LSAMP: variants seen among roughly 807,000 people sequenced by gnomAD.
LSAMP encodes limbic system associated membrane protein.
A neutral mutation model predicts 38.6 loss-of-function variants in LSAMP; 7 were observed. The ratio of observed to expected loss-of-function variants is 0.18; its 90% CI spans 0.10 to 0.34. The LOEUF is 0.34. Ranked by LOEUF, LSAMP falls within the 10% of genes least tolerant of loss-of-function variation. The pLI, the probability that LSAMP is intolerant of heterozygous loss-of-function variation, is 1.00. For synonymous variants in LSAMP, 154 were observed against 166.8 expected, an observed-to-expected ratio of 0.92 and a Z score of 0.59; for missense variants, 313 against 420.0, an observed-to-expected ratio of 0.75 and a Z score of 2.23.
chr3:116,293,988 T>G (rs1391272100), intron 1 of LSAMP, among the ~76,000 whole-genome samples: 1 of 152,182 alleles, frequency 6.6e-6, no homozygotes, highest in Non-Finnish European at 1.5e-5. Context: ...GTCCTCAGTA[T>G]GTATTAGTCA....
chr3:116,337,406 T>C (rs907955140), intron 1 of LSAMP, among the ~76,000 whole-genome samples: 1 of 152,120 alleles, frequency 6.6e-6, no homozygotes, highest in East Asian at 1.9e-4. Context: ...ATTAGAATGT[T>C]ACACAGCCTC....
At chr3:116,257,736 T>C (rs1358370372) in intron 1 of LSAMP, among the ~76,000 whole-genome samples, 1 of 152,190 alleles carries the variant, frequency 6.6e-6, no homozygotes, top group Non-Finnish European at 1.5e-5. Flanking sequence ...TAGTCTTGTT[T>C]ATTCCTGTAA....
At chr3:116,174,256 T>A (rs1050765363) in intron 1 of LSAMP, among the ~76,000 whole-genome samples, 8 of 151,998 alleles carry the variant, frequency 5.3e-5, no homozygotes, top group Non-Finnish European at 7.4e-5. Context: ...TGCTTTTTTA[T>A]GGTGCCTTTT....
intron 3 of LSAMP, among the ~76,000 whole-genome samples, chr3:115,949,888 C>T (rs1308574466): frequency 6.6e-6 from 1 of 151,974 alleles, no homozygotes; most frequent in Non-Finnish European, 1.5e-5. Flanking sequence ...GATAATACAC[C>T]ATGATCAAGT....
chr3:115,907,276 C>T (rs1267920187), intron 3 of LSAMP, among the ~76,000 whole-genome samples: 1 of 151,920 alleles, frequency 6.6e-6, no homozygotes, highest in Non-Finnish European at 1.5e-5. Context: ...ATGTTGCAAC[C>T]TAATCCTCAA....
chr3:115,975,213 A>G (rs1939146510), intron 3 of LSAMP, among the ~76,000 whole-genome samples: 1 of 152,124 alleles, frequency 6.6e-6, no homozygotes, highest in South Asian at 2.1e-4. Context: ...TGAACCCAGG[A>G]TTTTGAGACA....
At chr3:116,262,528 A>C (rs760578273) in intron 1 of LSAMP, among the ~76,000 whole-genome samples, 7 of 152,238 alleles carry the variant, frequency 4.6e-5, no homozygotes, top group Middle Eastern at 3.4e-3. Context: ...CCTGTCTGGG[A>C]TTCTAGGCTT....
chr3:116,000,107 G>A (rs1939947254), intron 3 of LSAMP, among the ~76,000 whole-genome samples: 1 of 152,132 alleles, frequency 6.6e-6, no homozygotes, highest in African/African-American at 2.4e-5. Flanking sequence ...ATCAAGAGAA[G>A]ATTCAAGCCA....
intron 1 of LSAMP, among the ~76,000 whole-genome samples, chr3:116,254,308 C>T (rs549380202): frequency 2.0e-5 from 3 of 152,212 alleles, no homozygotes; most frequent in Admixed American, 6.5e-5. Context: ...TATACAATTT[C>T]ACTCACCACT....
intron 3 of LSAMP, among the ~76,000 whole-genome samples, chr3:115,908,362 A>G (rs1247165450): frequency 6.6e-6 from 1 of 152,164 alleles, no homozygotes; most frequent in Non-Finnish European, 1.5e-5. Flanking sequence ...GACTTAGTAC[A>G]TCTTATCTTG....
chr3:116,287,984 A>G (rs1279280303), intron 1 of LSAMP, among the ~76,000 whole-genome samples: 1 of 152,218 alleles, frequency 6.6e-6, no homozygotes, highest in Non-Finnish European at 1.5e-5. Flanking sequence ...ACCTTGAAAG[A>G]GGACAGAGAG....
At chr3:115,811,112 A>C (rs3772947) in intron 6 of LSAMP, among the ~76,000 whole-genome samples, 40,767 of 152,102 alleles carry the variant, frequency 0.27, 5,534 homozygotes, top group African/African-American at 0.31. Flanking sequence ...ACACCTAGAG[A>C]GGTTGAGAGG....
chr3:115,947,835 C>T (rs1287863094), intron 3 of LSAMP, among the ~76,000 whole-genome samples: 1 of 152,140 alleles, frequency 6.6e-6, no homozygotes, highest in Non-Finnish European at 1.5e-5. Flanking sequence ...ATATTATTGA[C>T]TGTGTTTCTG....
chr3:116,112,788 T>G (rs191425366), intron 1 of LSAMP, among the ~76,000 whole-genome samples: 2 of 152,298 alleles, frequency 1.3e-5, no homozygotes, highest in East Asian at 3.9e-4. Context: ...CAGGGAAACT[T>G]CTCACAAATG....
chr3:116,310,261 C>T (rs1271452593), intron 1 of LSAMP, among the ~76,000 whole-genome samples: 2 of 152,102 alleles, frequency 1.3e-5, no homozygotes, highest in East Asian at 1.9e-4. Flanking sequence ...AGTTTTTGCT[C>T]ATATTATAAT....
chr3:115,946,376 G>A (rs1938097798), intron 3 of LSAMP, among the ~76,000 whole-genome samples: 1 of 152,092 alleles, frequency 6.6e-6, no homozygotes, highest in African/African-American at 2.4e-5. Context: ...CCAAGGCGTG[G>A]GCTGTGATCC....
At chr3:115,932,626 T>C (rs1389304815) in intron 3 of LSAMP, among the ~76,000 whole-genome samples, 1 of 152,186 alleles carries the variant, frequency 6.6e-6, no homozygotes, top group Non-Finnish European at 1.5e-5. Flanking sequence ...AACTTATACA[T>C]TACAGAAATC....
At chr3:115,922,280 TG>T (rs554949738) in intron 3 of LSAMP, among the ~76,000 whole-genome samples, 3 of 152,126 alleles carry the variant, frequency 2.0e-5, no homozygotes, top group Non-Finnish European at 2.9e-5. Flanking sequence ...GTTTTCTTTT[TG>T]TTCTTCTGAC....
chr3:116,176,410 G>A (rs889188059), intron 1 of LSAMP, among the ~76,000 whole-genome samples: 7 of 152,106 alleles, frequency 4.6e-5, no homozygotes, highest in African/African-American at 1.7e-4. Flanking sequence ...AAAGATTATT[G>A]CAAATGGAAG....
Sources: allele counts gnomAD v4.1 joint callset (sites outside exome capture counted in the v4.1 genomes callset), GRCh38; gene constraint gnomAD v4.1.1; transcripts MANE v1.5; gene names NCBI Gene and HGNC (gene_info 2026-07-23, HGNC 2026-07-21).